Variants in BRMS1 observed in about 807,000 individuals in gnomAD.
BRMS1 encodes the protein breast cancer metastasis-suppressor 1.
BRMS1 carries 26 observed loss-of-function variants against 40.4 expected under a neutral mutation model. The observed-to-expected ratio is 0.64, with a 90% CI of 0.47 to 0.89. BRMS1 has a LOEUF of 0.89. Ranked by LOEUF, BRMS1 falls within the 40% of genes least tolerant of loss-of-function variation. The pLI is 0.00. For missense variants in BRMS1, 289 were observed against 309.4 expected (o/e 0.93, Z 0.49); for synonymous variants, 103 against 116.0 (o/e 0.89, Z 0.72).
At chr11:66,339,522 G>A (rs2134960954) in intron 7 of BRMS1, among the ~76,000 whole-genome samples, 1 of 152,312 alleles carries the variant, frequency 6.6e-6, no homozygotes, top group East Asian at 1.9e-4. Context: ...TGGACAGTCG[G>A]GACAGGCAGG....
At chr11:66,338,909 A>AGG in intron 7 of BRMS1, 124 bp from the exon 8 acceptor site, 1 of 1,006,348 alleles carries the variant, frequency 9.9e-7, no homozygotes, top group Non-Finnish European at 1.5e-6. Flanking sequence ...CCTGGGTCCG[A>AGG]GGTCAGGTTC....
chr11:66,338,706 A>G lies in BRMS1; in HGVS notation c.693+15T>C. 6.2e-7 allele frequency: 1 copy of G among 1,611,488 alleles called. No homozygotes were observed. The highest frequency in any genetic ancestry group is 8.5e-7 in the Non-Finnish European group (1 of 1,178,318). ...CTGAGGTGGGGCAGGTCACGTGGGC[A>G]GCAGCGGCCCCCACCTTTTTGATGG... On this transcript the variant is annotated intron_variant, in intron 8 of 9. Coordinates refer to ENST00000359957, the MANE Select transcript of BRMS1 (RefSeq NM_015399.4).
rs1171317779 is a variant in BRMS1, at chr11:66,341,684, G to A, written c.140-61C>T. 2.9e-6 allele frequency: 4 copies of A among 1,388,992 alleles called. No homozygotes were observed. The highest frequency in any genetic ancestry group is 3.1e-6 in the Non-Finnish European group (3 of 977,368). 86.0% of individuals were successfully genotyped at this position (1,388,992 alleles called of 1,614,324 possible). ...AGGAGTGGTGGGTACCCGCATGTGT[G>A]CATGTGCGTCCTGCATGTGTGTGTG... On this transcript the variant is annotated intron_variant, in intron 2 of 9. Transcript: ENST00000359957. The surrounding 1 kb of genome is among the most constrained non-coding windows in gnomAD (Gnocchi z 4.9).
rs183639989 is a variant in BRMS1 at position 66,341,457 on chromosome 11, G to T, written c.230+76C>A. 1.3e-6 allele frequency: 2 copies of T among 1,597,022 alleles called. No homozygotes were observed. The highest frequency in any genetic ancestry group is 1.7e-6 in the Non-Finnish European group (2 of 1,165,572). Reference sequence around the variant, plus strand: ...CGCGCACTTCCTGGGCACCAACCACGCCTGCCCAGTACCAGGCCCACCACC... The same window carrying T: ...CGCGCACTTCCTGGGCACCAACCACTCCTGCCCAGTACCAGGCCCACCACC... On this transcript the variant is annotated intron_variant, in intron 3 of 9. Transcript: ENST00000359957. The surrounding 1 kb of genome is among the most constrained non-coding windows in gnomAD (Gnocchi z 4.9).
intron 9 of BRMS1, 38 bp downstream of exon 9, chr11:66,338,205 G>A (rs1397590781): frequency 1.9e-6 from 3 of 1,605,798 alleles, no homozygotes; most frequent in East Asian, 2.2e-5. Flanking sequence ...GTGATGGCAA[G>A]GGGGCAGGGA....
chr11:66,337,827 A>G lies in BRMS1; in HGVS notation c.*55T>C, dbSNP rs773568999. ...GCCTGTCTGCAGGAGGAAGACGAGA[A>G]TCCTGGGTGCAGTGCCAGCTGCTCT... On this transcript the variant is annotated 3_prime_UTR_variant, in exon 10 of 10. Transcript: ENST00000359957. The G allele has an allele frequency of 1.2e-5, 19 of 1,614,188 alleles. No homozygotes were observed. The Admixed American group carries it at 3.0e-4, about 25-fold the overall frequency.
At position 66,341,868 on chromosome 11, in the gene BRMS1, G is replaced by A; in HGVS notation, c.139+228C>T. 1.5e-6 allele frequency: 1 copy of A among 665,664 alleles called. No homozygotes were observed. Among genetic ancestry groups the A allele is most frequent in the Non-Finnish European group, 2.7e-6 (1 of 374,926 alleles). The allele number at this position is 665,664 out of a possible 1,614,324, so 41.2% of individuals were successfully genotyped here. ...GTGTGCACGTGTACTTGTGTGAAGG[G>A]GCTGTGTGTGTGCATACGTGCTTGT... On this transcript the variant is annotated intron_variant, in intron 2 of 9. Transcript: ENST00000359957. The surrounding 1 kb of genome is among the most constrained non-coding windows in gnomAD (Gnocchi z 4.9).
rs752890383 is a variant in BRMS1 at position 66,341,508 on chromosome 11, C to T, written c.230+25G>A. ...TCCTCATCCCAGATCCTCGCAGACC[C>T]AGCCCAAGGTGTCCCCACGCTCACT... On this transcript the variant is annotated intron_variant, in intron 3 of 9. Transcript: ENST00000359957. The surrounding 1 kb of genome is among the most constrained non-coding windows in gnomAD (Gnocchi z 4.9). 2 of 1,612,628 alleles carry T rather than the reference C, an allele frequency of 1.2e-6. No homozygotes were observed.
chr11:66,341,153 A>AT lies in BRMS1; in HGVS notation c.358+52_358+53insA. 1 of 1,611,720 alleles carries AT rather than the reference A, an allele frequency of 6.2e-7. No individual in the cohort carries two copies. Among genetic ancestry groups the AT allele is most frequent in the Non-Finnish European group, 8.5e-7 (1 of 1,178,404 alleles). On this transcript the variant is annotated intron_variant, in intron 4 of 9. Coordinates refer to ENST00000359957, the MANE Select transcript of BRMS1 (RefSeq NM_015399.4). This position sits in a 1 kb window ranked among gnomAD's most constrained non-coding sequence, Gnocchi z 4.9. ...CGGGCAGGAACGAGAGAGGAAGGGG[A>AT]CAGGGTGCCACGGGTTCTGGGAGGG...
At chr11:66,340,565 G>A (rs1300510795) in intron 6 of BRMS1, among the ~76,000 whole-genome samples, 1 of 152,190 alleles carries the variant, frequency 6.6e-6, no homozygotes, top group Non-Finnish European at 1.5e-5. Context: ...GGAAAGAGCA[G>A]GGGCAGAAGA....
Position 66,340,958 on chromosome 11 carries a change from C to G in BRMS1, c.438+9G>C. The G allele has an allele frequency of 6.2e-7, 1 of 1,614,092 alleles. No individual in the cohort carries two copies. The highest frequency in any genetic ancestry group is 8.5e-7 in the Non-Finnish European group (1 of 1,179,982). ...CTGCCTCACCCCCAGTGTGCCCAAT[C>G]AGGCCCACCTCCAGGTGCTGTTTGG... On this transcript the variant is annotated intron_variant, in intron 5 of 9. Coordinates refer to ENST00000359957, the MANE Select transcript of BRMS1 (RefSeq NM_015399.4).
At chr11:66,344,721 G>A (rs1369540225) in intron 1 of BRMS1, 3 of 152,350 alleles carry the variant, frequency 2.0e-5, no homozygotes, top group Non-Finnish European at 4.4e-5. Flanking sequence ...AGCTCCTCCG[G>A]GGCAGGCCCC....
chr11:66,340,990 G>A lies in BRMS1; in HGVS notation c.415C>T (p.Gln139Ter). The A allele has an allele frequency of 6.2e-7, 1 of 1,614,130 alleles. No homozygotes were observed. Among genetic ancestry groups the A allele is most frequent in the South Asian group, 1.1e-5 (1 of 91,082 alleles). ...ACCTCCAGGTGCTGTTTGGCTCCCT[G>A]CAGCTCACATTCGTACTTATTCCTG... ...VIRNKYECEL[Q>*]GAKQHLESEK... Residue 139 changes from glutamine (Q) to a stop codon, truncating the protein, a stop_gained, in exon 5 of 10, where the codon CAG (glutamine) becomes TAG (stop). Coordinates refer to ENST00000359957, the MANE Select transcript of BRMS1 (RefSeq NM_015399.4). LOFTEE classifies it high-confidence loss of function.
At chr11:66,338,471 T>TCCCCCC in intron 8 of BRMS1, 189 bp from the exon 9 acceptor site, 2 of 1,512,822 alleles carry the variant, frequency 1.3e-6, no homozygotes, top group Non-Finnish European at 1.8e-6. Flanking sequence ...CTCTCCCGCC[T>TCCCCCC]CCCCGCCACC....
chr11:66,343,284 TTTAA>T (rs1855126123), intron 1 of BRMS1, among the ~76,000 whole-genome samples: 1 of 152,242 alleles, frequency 6.6e-6, no homozygotes, highest in African/African-American at 2.4e-5. Flanking sequence ...CAGTGCTTAT[TTTAA>T]TTGTCTGCTC....
intron 1 of BRMS1, 39 bp from the exon 2 acceptor site, chr11:66,342,280 C>T (rs1205831795): frequency 6.2e-7 from 1 of 1,605,416 alleles, no homozygotes; most frequent in South Asian, 1.1e-5. Flanking sequence ...TGGCTGCCCA[C>T]AGCTCAGAGG....
Position 66,340,890 on chromosome 11 carries a change from C to T in BRMS1, c.439-20G>A, listed in dbSNP as rs2134963268. ...CTCACTCTGGAAGAGGGGGCAATAG[C>T]TCAGCAGGACGGATGGGGTGAGGCC... On this transcript the variant is annotated intron_variant, in intron 5 of 9. Coordinates refer to ENST00000359957, the MANE Select transcript of BRMS1 (RefSeq NM_015399.4). The T allele has an allele frequency of 1.2e-6, 2 of 1,613,916 alleles. No homozygotes were observed. Among genetic ancestry groups the T allele is most frequent in the Non-Finnish European group, 1.7e-6 (2 of 1,179,880 alleles).
At chr11:66,338,952 G>A (rs1037595532) in intron 7 of BRMS1, among the ~76,000 whole-genome samples, 167 bp from the exon 8 acceptor site, 1 of 151,980 alleles carries the variant, frequency 6.6e-6, no homozygotes, top group Non-Finnish European at 1.5e-5. Flanking sequence ...TGGTTCCAGG[G>A]GTCGTCCTGG....
At chr11:66,338,489 C>A in intron 8 of BRMS1, 1 of 1,525,922 alleles carries the variant, frequency 6.6e-7, no homozygotes. Context: ...ACCCTCCCAC[C>A]CCATCAAAAC....
Sources: allele counts gnomAD v4.1 joint callset (sites outside exome capture counted in the v4.1 genomes callset), GRCh38; gene constraint gnomAD v4.1.1; non-coding constraint Gnocchi (gnomAD v3.1); transcripts MANE v1.5; gene names NCBI Gene and HGNC (gene_info 2026-07-23, HGNC 2026-07-21).